Variants in SORCS1 observed in about 807,000 individuals in gnomAD.
SORCS1 encodes the protein VPS10 domain-containing receptor SorCS1.
SORCS1 carries 60 observed loss-of-function variants against 146.1 expected under a neutral mutation model. The observed-to-expected ratio is 0.41, with a 90% CI of 0.33 to 0.51. The LOEUF (loss-of-function observed/expected upper bound fraction) is 0.51. SORCS1 is among the 20% of genes least tolerant of loss of function. The pLI, the probability that SORCS1 is intolerant of heterozygous loss-of-function variation, is 0.21. For synonymous variants in SORCS1, 637 were observed against 584.0 expected, an observed-to-expected ratio of 1.09 and a Z score of -1.31; for missense variants, 1,352 against 1,487.6, an observed-to-expected ratio of 0.91 and a Z score of 1.50.
Position 107,119,831 on chromosome 10 carries a change from G to T in SORCS1, c.558+44138C>A, listed in dbSNP as rs184668424. On this transcript the variant is annotated intron_variant, in intron 1 of 25. Transcript: ENST00000263054. ...GTTAAGTCAAAATTAATTTCAGATA[G>T]ATAAAAGAGTGAGAGTATTCATCAT... is the stretch of plus-strand genomic sequence containing the variant. 7.2e-5 allele frequency among the ~76,000 whole-genome samples: 11 copies of T among 152,200 alleles called. No homozygotes were observed. The East Asian group carries it at 2.1e-3, about 29-fold the overall frequency.
intron 1 of SORCS1, among the ~76,000 whole-genome samples, chr10:106,959,477 T>C (rs1461903343): frequency 1.3e-5 from 2 of 152,244 alleles, no homozygotes; most frequent in African/African-American, 4.8e-5. Flanking sequence ...ATGTTAGATA[T>C]GTTTTGCTGT....
In SORCS1 at chr10:107,116,996, T is replaced by C. The variant is rs1173689984; in HGVS notation, c.558+46973A>G. Among the ~76,000 whole-genome samples, 7 of 152,116 alleles carry C rather than the reference T, an allele frequency of 4.6e-5. No individual in the cohort carries two copies. The South Asian group carries it at 6.2e-4, about 14-fold the overall frequency. ...AAGAGTAACACAATTATTGTTGATA[T>C]CCAAATTTGTCAGAATTAAAATCCA... On this transcript the variant is annotated intron_variant, in intron 1 of 25. Coordinates refer to ENST00000263054, the MANE Select transcript of SORCS1 (RefSeq NM_052918.5).
intron 24 of SORCS1, among the ~76,000 whole-genome samples, chr10:106,594,394 C>T (rs544520388): frequency 6.6e-6 from 1 of 152,276 alleles, no homozygotes; most frequent in East Asian, 1.9e-4. Context: ...GCATAGTGAT[C>T]AGATCTGGGT....
intron 2 of SORCS1, among the ~76,000 whole-genome samples, chr10:106,841,715 T>C (rs1949052059): frequency 6.6e-6 from 1 of 152,190 alleles, no homozygotes; most frequent in Non-Finnish European, 1.5e-5. Flanking sequence ...TTCTTTCACT[T>C]AGTGATATAC....
At chr10:107,033,526 AGGT>A (rs1305608183) in intron 1 of SORCS1, among the ~76,000 whole-genome samples, 4 of 152,246 alleles carry the variant, frequency 2.6e-5, no homozygotes, top group African/African-American at 9.6e-5. Flanking sequence ...TATAGCAAAC[AGGT>A]GATGATAGAG....
chr10:107,011,690 G>C (rs1361703679), intron 1 of SORCS1, among the ~76,000 whole-genome samples: 1 of 152,188 alleles, frequency 6.6e-6, no homozygotes, highest in Admixed American at 6.5e-5. Context: ...CAAGAGAACA[G>C]ACAGAATGTT....
At chr10:106,726,872 G>A (rs1444838362) in intron 6 of SORCS1, among the ~76,000 whole-genome samples, 1 of 152,062 alleles carries the variant, frequency 6.6e-6, no homozygotes, top group African/African-American at 2.4e-5. Context: ...GGATCACGAG[G>A]TGAGGAGATC....
At chr10:106,664,967 T>A (rs557415117) in intron 17 of SORCS1, among the ~76,000 whole-genome samples, 35 of 152,276 alleles carry the variant, frequency 2.3e-4, no homozygotes, top group Admixed American at 3.9e-4. Context: ...ACCTTTTCAT[T>A]TTTTTCCTCC....
chr10:107,003,709 G>A (rs974807918), intron 1 of SORCS1, among the ~76,000 whole-genome samples: 9 of 152,188 alleles, frequency 5.9e-5, no homozygotes, highest in African/African-American at 1.9e-4. Flanking sequence ...GCCTTGTGAA[G>A]GAGGCTGCCT....
intron 2 of SORCS1, among the ~76,000 whole-genome samples, chr10:106,918,390 C>T (rs1304515657): frequency 6.6e-6 from 1 of 152,130 alleles, no homozygotes; most frequent in African/African-American, 2.4e-5. Context: ...GTCTCAATCT[C>T]CTGACCTGGT....
chr10:106,994,428 A>G (rs185403044), intron 1 of SORCS1, among the ~76,000 whole-genome samples: 23 of 152,364 alleles, frequency 1.5e-4, no homozygotes, highest in African/African-American at 5.5e-4. Flanking sequence ...AATTAAAAAA[A>G]TAGGATTATA....
At chr10:106,964,963 G>C (rs1018130357) in intron 1 of SORCS1, among the ~76,000 whole-genome samples, 1 of 150,456 alleles carries the variant, frequency 6.6e-6, no homozygotes, top group Admixed American at 6.7e-5. Context: ...GTAGAATGCC[G>C]TTTGCAGCAA....
intron 2 of SORCS1, among the ~76,000 whole-genome samples, chr10:106,898,028 C>G (rs1328259982): frequency 3.9e-5 from 6 of 152,336 alleles, no homozygotes; most frequent in African/African-American, 1.4e-4. Context: ...TCAGTGAAAA[C>G]AGCCAGAGTG....
chr10:107,075,790 T>C (rs1356244689), intron 1 of SORCS1, among the ~76,000 whole-genome samples: 1 of 152,106 alleles, frequency 6.6e-6, no homozygotes, highest in Non-Finnish European at 1.5e-5. Context: ...ACAAATTACA[T>C]GGTGGGTGTG....
intron 1 of SORCS1, among the ~76,000 whole-genome samples, chr10:107,096,191 T>C (rs1269289270): frequency 6.6e-6 from 1 of 152,232 alleles, no homozygotes; most frequent in Non-Finnish European, 1.5e-5. Flanking sequence ...AAGTTATTGT[T>C]GCAAGAGGCA....
At chr10:106,866,838 A>C (rs1251089780) in intron 2 of SORCS1, among the ~76,000 whole-genome samples, 1 of 152,230 alleles carries the variant, frequency 6.6e-6, no homozygotes, top group Non-Finnish European at 1.5e-5. Context: ...TTTAGAAAAG[A>C]CATCTATTGA....
chr10:106,612,798 C>T (rs1031685849), intron 21 of SORCS1, among the ~76,000 whole-genome samples: 1 of 152,096 alleles, frequency 6.6e-6, no homozygotes, highest in African/African-American at 2.4e-5. Flanking sequence ...GCCTATTATT[C>T]CTAGTTCTAG....
At chr10:106,623,913 A>T (rs1847913729) in intron 19 of SORCS1, among the ~76,000 whole-genome samples, 1 of 151,844 alleles carries the variant, frequency 6.6e-6, no homozygotes, top group Non-Finnish European at 1.5e-5. Context: ...CGAACTCCTG[A>T]CCTCAAGTGA....
chr10:106,976,336 T>TTGTTTTG, intron 1 of SORCS1, among the ~76,000 whole-genome samples: 1 of 127,910 alleles, frequency 7.8e-6, no homozygotes, highest in African/African-American at 4.0e-5. Flanking sequence ...TTTTTTTGTT[T>TTGTTTTG]TTTTTTTTTT....
Sources: gnomAD v4.1 joint callset for allele counts (sites outside exome capture counted in the v4.1 genomes callset) on GRCh38, gnomAD v4.1.1 for gene constraint, MANE v1.5 for transcripts, NCBI Gene and HGNC (gene_info 2026-07-23, HGNC 2026-07-21) for gene names.